Variants in HSPG2 observed in about 807,000 individuals in gnomAD.
HSPG2 encodes basement membrane-specific heparan sulfate proteoglycan core protein.
HSPG2 carries 278 observed loss-of-function variants against 526.6 expected under a neutral mutation model. The observed-to-expected ratio is 0.53, with a 90% CI of 0.48 to 0.58. HSPG2 has a LOEUF of 0.58. HSPG2 is among the 20% of genes least tolerant of loss of function. HSPG2 has a pLI of 0.00. For synonymous variants in HSPG2, 2,465 were observed against 2,555.4 expected (o/e 0.96, Z 1.07); for missense variants, 5,354 against 6,099.5 (o/e 0.88, Z 4.07).
chr1:21,887,002 A>AG lies in HSPG2; in HGVS notation c.1078+212dup, dbSNP rs1166727852. The stretch of plus-strand genomic sequence containing the variant: ...TTCACCAAAGGCCAGCTCAGGGCCA[A>AG]GGGGCCTTACGGCTCTGGTTAGAGA... On this transcript the variant is annotated intron_variant, in intron 9 of 96. Transcript: ENST00000374695. The surrounding 1 kb of genome is among the most constrained non-coding windows in gnomAD (Gnocchi z 5.0). 3.3e-5 allele frequency among the ~76,000 whole-genome samples: 5 copies of AG among 152,274 alleles called. No individual in the cohort carries two copies. Among genetic ancestry groups the AG allele is most frequent in the Admixed American group, 6.5e-5 (1 of 15,294 alleles).
chr1:21,884,684 G>A lies in HSPG2; in HGVS notation c.1508-10C>T, dbSNP rs765166428. The A allele has an allele frequency of 2.0e-5, 32 of 1,610,740 alleles. No individual in the cohort carries two copies. Among genetic ancestry groups the A allele is most frequent in the East Asian group, 1.1e-4 (5 of 44,806 alleles). ...CCGTCAGGGCAGGGGCCTGCTGGGCGGCATGGGCGGGGGCTGCAGCCGGCT... is the reference window on the plus strand; with the variant it reads ...CCGTCAGGGCAGGGGCCTGCTGGGCAGCATGGGCGGGGGCTGCAGCCGGCT... On this transcript the variant is annotated splice_polypyrimidine_tract_variant and intron_variant, in intron 12 of 96. Transcript: ENST00000374695.
intron 16 of HSPG2, 47 bp from the exon 17 acceptor site, chr1:21,880,301 T>C (rs760698552): frequency 5.0e-6 from 8 of 1,613,800 alleles, no homozygotes; most frequent in Non-Finnish European, 2.5e-6. Flanking sequence ...GGTGAGGCCC[T>C]GCCGTTTCTC....
chr1:21,838,160 A>G (rs1274112381), intron 74 of HSPG2, among the ~76,000 whole-genome samples: 1 of 123,196 alleles, frequency 8.1e-6, no homozygotes, highest in Non-Finnish European at 1.7e-5. Context: ...AAAAAAAAAG[A>G]AAGAAACTGA....
At position 21,846,114 on chromosome 1, in the gene HSPG2, C is replaced by T. The variant is rs771648867; in HGVS notation, c.8458G>A (p.Val2820Ile). The T allele has an allele frequency of 2.1e-5, 34 of 1,612,530 alleles. No individual in the cohort carries two copies. The highest frequency in any genetic ancestry group is 1.3e-4 in the South Asian group (12 of 91,064). ...CCACTGCAGGGACCCTCACCGGGGA[C>T]GTGGACAGCACTTGAGCCAGAGGCT... ...IEASGSSAVH[V>I]PAPGGAPPIR... The change falls in exon 64 of 97, where the codon GTC (valine) becomes ATC (isoleucine). Residue 2820 changes from valine (V) to isoleucine (I), a missense_variant. Transcript: ENST00000374695.
intron 1 of HSPG2, among the ~76,000 whole-genome samples, chr1:21,905,169 A>ACC (rs550520968): frequency 2.2e-4 from 17 of 76,652 alleles, no homozygotes; most frequent in African/African-American, 6.8e-4. Flanking sequence ...CCCACCACCC[A>ACC]CCCACACACA....
chr1:21,831,148 A>G, intron 84 of HSPG2, 58 bp from the exon 85 acceptor site: 1 of 1,599,060 alleles, frequency 6.3e-7, no homozygotes, highest in Non-Finnish European at 8.6e-7. Flanking sequence ...CATAATCCCC[A>G]CAGGGGCCAG....
chr1:21,871,257 T>TG (rs1640623425), intron 33 of HSPG2, among the ~76,000 whole-genome samples: 3 of 84,118 alleles, frequency 3.6e-5, no homozygotes, highest in Non-Finnish European at 4.9e-5. Flanking sequence ...GCAGAGTATT[T>TG]GTTTTTTTTT....
In HSPG2 at chr1:21,869,736, C is replaced by G. The variant is rs560469962; in HGVS notation, c.4221+2450G>C. The stretch of plus-strand genomic sequence containing the variant: ...AGAAAGGACGTCCGTGAGGCTTCAC[C>G]TCCCCACGGGCCCAGCCAGCCACCC... On this transcript the variant is annotated intron_variant, in intron 33 of 96. Coordinates refer to ENST00000374695, the MANE Select transcript of HSPG2 (RefSeq NM_005529.7). 9 of 985,990 alleles carry G rather than the reference C, an allele frequency of 9.1e-6. 1 individual carries two copies. In the South Asian group the frequency reaches 3.8e-4, roughly 41 times the overall value. The allele number at this position is 985,990 out of a possible 1,614,324, so 61.1% of individuals were successfully genotyped here.
chr1:21,896,113 G>T, intron 2 of HSPG2, 62 bp downstream of exon 2: 1 of 1,610,604 alleles, frequency 6.2e-7, no homozygotes, highest in African/African-American at 1.3e-5. Context: ...CCCCATGCCA[G>T]TGGGAAGAAG....
At position 21,873,859 on chromosome 1, in the gene HSPG2, C is replaced by G. The variant is rs1312585399; in HGVS notation, c.3743+66G>C. 5 of 1,398,600 alleles carry G rather than the reference C, an allele frequency of 3.6e-6. No homozygotes were observed. In the Admixed American group the frequency reaches 8.2e-5, roughly 23 times the overall value. The allele number at this position is 1,398,600 out of a possible 1,614,324, so 86.6% of individuals were successfully genotyped here. ...TTCCTCTGGGTTGGGAGCGCTGGGC[C>G]CTGCCTGAGGATTCCAGGGACACCC... is the stretch of plus-strand genomic sequence containing the variant. On this transcript the variant is annotated intron_variant, in intron 29 of 96. Coordinates refer to ENST00000374695, the MANE Select transcript of HSPG2 (RefSeq NM_005529.7).
intron 25 of HSPG2, 29 bp from the exon 26 acceptor site, chr1:21,875,031 G>T (rs1394567221): frequency 6.6e-7 from 1 of 1,506,894 alleles, no homozygotes; most frequent in Non-Finnish European, 9.1e-7. Context: ...AGCGTGAATA[G>T]GAGTGCTGGC....
At position 21,887,607 on chromosome 1, in the gene HSPG2, C is replaced by A. The variant is rs764914368; in HGVS notation, c.771G>T (p.Arg257=). 1 of 1,614,004 alleles carries A rather than the reference C, an allele frequency of 6.2e-7. No individual in the cohort carries two copies. Among genetic ancestry groups the A allele is most frequent in the East Asian group, 2.2e-5 (1 of 44,890 alleles). ...GCTGTCGCATGATGGTTGTCTCTGG[C>A]CGGGGCGGTAAAGATGTCGTCTCCA... The part of the protein sequence containing the change: ...LLVETTSLPP[R]PETTIMRQPP... The change falls in exon 8 of 97, where the codon CGG becomes CGT. Residue 257 remains arginine, a synonymous_variant. Transcript: ENST00000374695. The surrounding 1 kb of genome is among the most constrained non-coding windows in gnomAD (Gnocchi z 5.0).
In HSPG2 at chr1:21,933,526, G is replaced by A. The variant is rs561423505; in HGVS notation, c.63+3629C>T. Among the ~76,000 whole-genome samples the A allele has an allele frequency of 3.3e-5, 5 of 152,252 alleles. No homozygotes were observed. In the South Asian group the frequency reaches 1.0e-3, roughly 32 times the overall value. ...CCTCCACTTTGCTCACCCGTCTTCC[G>A]GGCCCTGAACCCAGTCACCTCCTGC... On this transcript the variant is annotated intron_variant, in intron 1 of 96. Coordinates refer to ENST00000374695, the MANE Select transcript of HSPG2 (RefSeq NM_005529.7).
intron 1 of HSPG2, among the ~76,000 whole-genome samples, chr1:21,926,365 G>C (rs974175180): frequency 2.7e-4 from 41 of 152,202 alleles, no homozygotes; most frequent in African/African-American, 8.9e-4. Flanking sequence ...ACAGGGAAGA[G>C]ACTGGTCTGT....
chr1:21,926,457 A>C (rs935449842), intron 1 of HSPG2, among the ~76,000 whole-genome samples: 2 of 152,078 alleles, frequency 1.3e-5, no homozygotes, highest in African/African-American at 4.8e-5. Context: ...AAGAGCCGTG[A>C]AAGTGATAGA....
chr1:21,879,158 G>C (rs760210705), intron 17 of HSPG2, 37 bp from the exon 18 acceptor site: 32 of 1,613,558 alleles, frequency 2.0e-5, no homozygotes, highest in Admixed American at 1.2e-4. Context: ...AACTTCTAGA[G>C]CAGAACTGGG....
chr1:21,906,367 G>A (rs920799510), intron 1 of HSPG2, among the ~76,000 whole-genome samples: 16 of 152,226 alleles, frequency 1.1e-4, no homozygotes, highest in Admixed American at 8.5e-4. Context: ...GCTTGTTCCC[G>A]TGGGCATCGG....
At chr1:21,861,525 A>C (rs1390740805) in intron 39 of HSPG2, among the ~76,000 whole-genome samples, 1 of 151,972 alleles carries the variant, frequency 6.6e-6, no homozygotes, top group Non-Finnish European at 1.5e-5. Context: ...TAAAAAGTTA[A>C]GCCCAGCTAA....
At chr1:21,905,550 T>C (rs964190210) in intron 1 of HSPG2, among the ~76,000 whole-genome samples, 2 of 152,246 alleles carry the variant, frequency 1.3e-5, no homozygotes, top group African/African-American at 2.4e-5. Context: ...GAGAGCAGCC[T>C]GGCCAACATG....
Sources: gnomAD v4.1 joint callset for allele counts (sites outside exome capture counted in the v4.1 genomes callset) on GRCh38, gnomAD v4.1.1 for gene constraint, Gnocchi (gnomAD v3.1) non-coding constraint, MANE v1.5 for transcripts, NCBI Gene and HGNC (gene_info 2026-07-23, HGNC 2026-07-21) for gene names.